CNTLN: variants seen among roughly 807,000 people sequenced by gnomAD.
The protein encoded by CNTLN is centlein.
A neutral mutation model predicts 180.0 loss-of-function variants in CNTLN; 212 were observed. The ratio of observed to expected loss-of-function variants is 1.18; its 90% CI spans 1.05 to 1.32. CNTLN has a LOEUF of 1.32. CNTLN is among the 40% of genes most tolerant of loss of function. The pLI, the probability that CNTLN is intolerant of heterozygous loss-of-function variation, is 0.00. For synonymous variants in CNTLN, 722 were observed against 563.1 expected, an observed-to-expected ratio of 1.28 and a Z score of -3.99; for missense variants, 2,095 against 1,610.9, an observed-to-expected ratio of 1.30 and a Z score of -5.14.
intron 18 of CNTLN, among the ~76,000 whole-genome samples, chr9:17,452,303 C>A (rs184328346): frequency 6.6e-6 from 1 of 152,270 alleles, no homozygotes; most frequent in East Asian, 1.9e-4. Context: ...AGAAGGGATG[C>A]CTGATGTCCT....
intron 2 of CNTLN, among the ~76,000 whole-genome samples, chr9:17,203,664 C>G (rs1435305616): frequency 6.6e-6 from 1 of 152,176 alleles, no homozygotes; most frequent in Non-Finnish European, 1.5e-5. Context: ...TCACGCCATT[C>G]TCCTGCCTCA....
intron 3 of CNTLN, among the ~76,000 whole-genome samples, chr9:17,230,914 T>C (rs1587260658): frequency 6.6e-6 from 1 of 152,084 alleles, no homozygotes; most frequent in East Asian, 1.9e-4. Context: ...CTTCCAGTAA[T>C]TCATTAATTA....
chr9:17,484,224 T>A, intron 23 of CNTLN, 71 bp from the exon 24 acceptor site: 2 of 1,223,944 alleles, frequency 1.6e-6, no homozygotes, highest in South Asian at 3.1e-5. Flanking sequence ...ATCTTCATAT[T>A]TTTATGTTAT....
intron 18 of CNTLN, among the ~76,000 whole-genome samples, chr9:17,436,200 C>G (rs888456571): frequency 1.3e-5 from 2 of 152,006 alleles, no homozygotes; most frequent in African/African-American, 4.8e-5. Context: ...ACATTATATA[C>G]TATTGTTTAG....
chr9:17,401,632 G>C (rs1040484647), intron 15 of CNTLN, among the ~76,000 whole-genome samples: 66 of 151,882 alleles, frequency 4.3e-4, no homozygotes, highest in African/African-American at 1.5e-3. Context: ...CTTGGCCTCA[G>C]AAAGTATTTG....
In CNTLN at chr9:17,148,957, T is replaced by C. The variant is rs149413210; in HGVS notation, c.449+5581T>C. ...CTACATTACGTATTTCTCCTAATGTTATCCCTCCTGTAGCCCCCACCTCCG... is the reference window on the plus strand; with the variant it reads ...CTACATTACGTATTTCTCCTAATGTCATCCCTCCTGTAGCCCCCACCTCCG... On this transcript the variant is annotated intron_variant, in intron 2 of 25. Coordinates refer to ENST00000380647, the MANE Select transcript of CNTLN (RefSeq NM_017738.4). Among the ~76,000 whole-genome samples, 638 of 152,284 alleles carry C rather than the reference T, an allele frequency of 4.2e-3. 1 individual carries two copies. Among genetic ancestry groups the C allele is most frequent in the African/African-American group, 0.014 (581 of 41,540 alleles).
chr9:17,288,910 G>A lies in CNTLN; in HGVS notation c.984-9280G>A, dbSNP rs1315217379. 6.9e-5 allele frequency among the ~76,000 whole-genome samples: 8 copies of A among 115,312 alleles called. 1 individual carries two copies. The highest frequency in any genetic ancestry group is 6.7e-4 in the East Asian group (3 of 4,486). 75.6% of individuals were successfully genotyped at this position (115,312 alleles called of 152,430 possible). ...TTTGAGCCTATGTGTGTCTCTGCAC[G>A]TGAGATGGGTTTCCTGAATACAGCA... On this transcript the variant is annotated intron_variant, in intron 6 of 25. Transcript: ENST00000380647.
chr9:17,482,527 TA>T (rs1405559953), intron 23 of CNTLN, among the ~76,000 whole-genome samples: 7 of 152,202 alleles, frequency 4.6e-5, no homozygotes, highest in African/African-American at 1.7e-4. Flanking sequence ...GTGCTCCAAA[TA>T]AAATGTAACA....
At chr9:17,405,267 T>A (rs1337601680) in intron 15 of CNTLN, among the ~76,000 whole-genome samples, 1 of 151,762 alleles carries the variant, frequency 6.6e-6, no homozygotes, top group Non-Finnish European at 1.5e-5. Context: ...TTTAAGAGCT[T>A]CAGTCATTGG....
intron 18 of CNTLN, among the ~76,000 whole-genome samples, chr9:17,455,885 G>A (rs764482779): frequency 1.3e-5 from 2 of 151,734 alleles, no homozygotes; most frequent in Non-Finnish European, 2.9e-5. Context: ...CCTAATCTTA[G>A]AGAGCCTTAT....
intron 3 of CNTLN, 116 bp from the exon 4 acceptor site, chr9:17,235,542 T>C (rs1825089246): frequency 1.2e-6 from 1 of 813,058 alleles, no homozygotes; most frequent in Non-Finnish European, 1.9e-6. Context: ...TGACAGACAT[T>C]ATTATGAAAG....
At chr9:17,466,162 A>G in intron 22 of CNTLN, 44 bp downstream of exon 22, 1 of 1,526,964 alleles carries the variant, frequency 6.5e-7, no homozygotes, top group Non-Finnish European at 9.0e-7. Context: ...ATGGAATATA[A>G]TCGTGTTTGT....
chr9:17,528,014 T>C, the CNTLN span, among the ~76,000 whole-genome samples: 1 of 151,900 alleles, frequency 6.6e-6, no homozygotes, highest in Non-Finnish European at 1.5e-5. Context: ...AAATAATAGA[T>C]TGAATAAATA....
At chr9:17,332,752 T>C (rs1483003398) in intron 10 of CNTLN, 22 bp downstream of exon 10, 1 of 1,560,552 alleles carries the variant, frequency 6.4e-7, no homozygotes, top group East Asian at 2.3e-5. Flanking sequence ...ATCATTTCTT[T>C]AGTAGTAACC....
intron 6 of CNTLN, among the ~76,000 whole-genome samples, chr9:17,290,016 A>G (rs1269077315): frequency 2.6e-5 from 4 of 152,154 alleles, no homozygotes; most frequent in Non-Finnish European, 5.9e-5. Context: ...GCTCGTCAGA[A>G]TCATTCTCCA....
chr9:17,206,907 C>G (rs1350354954), intron 2 of CNTLN, among the ~76,000 whole-genome samples: 1 of 152,236 alleles, frequency 6.6e-6, no homozygotes, highest in Non-Finnish European at 1.5e-5. Flanking sequence ...GCCCTCATGA[C>G]TGGGCCTCAT....
intron 15 of CNTLN, among the ~76,000 whole-genome samples, chr9:17,400,537 G>T (rs1323082871): frequency 1.3e-5 from 2 of 152,096 alleles, no homozygotes; most frequent in African/African-American, 4.8e-5. Flanking sequence ...CTAGCTGTGT[G>T]ACCATAGGCA....
intron 2 of CNTLN, chr9:17,167,690 A>T (rs1226141336): frequency 3.3e-5 from 5 of 152,228 alleles, no homozygotes; most frequent in Non-Finnish European, 7.3e-5. Flanking sequence ...CTAAACAGTG[A>T]GGTTGTTAAT....
At chr9:17,434,568 A>G (rs548191047) in intron 18 of CNTLN, among the ~76,000 whole-genome samples, 1 of 152,012 alleles carries the variant, frequency 6.6e-6, no homozygotes, top group South Asian at 2.1e-4. Context: ...GTTTTATTCC[A>G]TTATGACCAG....
Sources: gnomAD v4.1 joint callset for allele counts (sites outside exome capture counted in the v4.1 genomes callset) on GRCh38, gnomAD v4.1.1 for gene constraint, MANE v1.5 for transcripts, NCBI Gene and HGNC (gene_info 2026-07-23, HGNC 2026-07-21) for gene names.